HIRA: variants seen among roughly 807,000 people sequenced by gnomAD.
The protein encoded by HIRA is protein HIRA.
HIRA carries 13 observed loss-of-function variants against 126.6 expected under a neutral mutation model. That is an observed-to-expected ratio of 0.10 (90% confidence interval 0.07 to 0.16). HIRA has a LOEUF of 0.16. Ranked by LOEUF, HIRA falls within the 10% of genes least tolerant of loss-of-function variation. The pLI is 1.00. For missense variants in HIRA, 834 were observed against 1,314.4 expected (o/e 0.63, Z 5.65); for synonymous variants, 511 against 520.0 (o/e 0.98, Z 0.24).
At chr22:19,419,558 T>G (rs2146254087) in intron 1 of HIRA, among the ~76,000 whole-genome samples, 1 of 152,332 alleles carries the variant, frequency 6.6e-6, no homozygotes, top group South Asian at 2.1e-4. Flanking sequence ...CCTCGGGAAT[T>G]TCTTACATAT....
chr22:19,381,772 T>A (rs1000974179), intron 13 of HIRA, among the ~76,000 whole-genome samples: 1 of 152,212 alleles, frequency 6.6e-6, no homozygotes, highest in African/African-American at 2.4e-5. Context: ...TATATTATGT[T>A]CATTTCAAAA....
intron 14 of HIRA, among the ~76,000 whole-genome samples, chr22:19,377,202 G>T (rs989996202): frequency 6.6e-6 from 1 of 152,164 alleles, no homozygotes; most frequent in Non-Finnish European, 1.5e-5. Context: ...GACCTGAGGG[G>T]CCACCTGCAA....
rs1569310843 is a variant in HIRA, at chr22:19,410,762, T to C, written c.54A>G (p.Ser18=). The C allele has an allele frequency of 1.9e-6, 3 of 1,613,692 alleles. No homozygotes were observed. Among genetic ancestry groups the C allele is most frequent in the East Asian group, 2.2e-5 (1 of 44,866 alleles). The change falls in exon 2 of 25, where the codon TCA becomes TCG. Residue 18 remains serine (S), a synonymous_variant. Transcript: ENST00000263208. ...TGGTCCCGTCAGGGTGAATATCAAC[T>C]GAAAAAATCGGCTTGCCTGGAAACA... The part of the protein sequence containing the change: ...WVNHNGKPIF[S]VDIHPDGTKF...
chr22:19,356,578 T>C (rs1317667914), intron 19 of HIRA, among the ~76,000 whole-genome samples: 1 of 152,210 alleles, frequency 6.6e-6, no homozygotes, highest in Non-Finnish European at 1.5e-5. Context: ...CATGGCCACA[T>C]TCTGCCAGCT....
intron 1 of HIRA, among the ~76,000 whole-genome samples, chr22:19,418,691 G>A (rs1277234810): frequency 6.6e-6 from 1 of 152,144 alleles, no homozygotes. Flanking sequence ...GACTGCAGTG[G>A]TAGATACATG....
intron 13 of HIRA, among the ~76,000 whole-genome samples, chr22:19,381,009 A>G (rs5748164): frequency 0.16 from 23,879 of 152,224 alleles, 3,963 homozygotes; most frequent in African/African-American, 0.42. Flanking sequence ...ATAGGCTACA[A>G]GAGAGCTGAC....
In HIRA at chr22:19,407,170, A is replaced by T. The variant is rs769197909; in HGVS notation, c.302+14T>A. On this transcript the variant is annotated intron_variant, in intron 4 of 24. Transcript: ENST00000263208. ...TCTAAAAATAAAATGTGAAGAAAGGAAAATGATGCTTACGTAGCCCGCTTC... is the reference window on the plus strand; with the variant it reads ...TCTAAAAATAAAATGTGAAGAAAGGTAAATGATGCTTACGTAGCCCGCTTC... 6 of 1,600,720 alleles carry T rather than the reference A, an allele frequency of 3.7e-6. No individual in the cohort carries two copies. Among genetic ancestry groups the T allele is most frequent in the Non-Finnish European group, 5.1e-6 (6 of 1,168,102 alleles).
chr22:19,427,388 T>C (rs2089497150), intron 1 of HIRA, among the ~76,000 whole-genome samples: 1 of 152,194 alleles, frequency 6.6e-6, no homozygotes. Flanking sequence ...GGCAGCAGGC[T>C]GGACCTTACC....
chr22:19,353,302 G>A (rs2088776671), intron 23 of HIRA, 54 bp downstream of exon 23: 1 of 1,600,012 alleles, frequency 6.2e-7, no homozygotes, highest in Non-Finnish European at 8.5e-7. Context: ...AGTGAGGCCT[G>A]GGAGGATGGA....
chr22:19,392,054 A>G, intron 9 of HIRA, 47 bp downstream of exon 9: 1 of 1,157,120 alleles, frequency 8.6e-7, no homozygotes, highest in Non-Finnish European at 1.3e-6. Flanking sequence ...TACTTTACCA[A>G]CCTACACCTC....
intron 8 of HIRA, 128 bp downstream of exon 8, chr22:19,394,214 A>G: frequency 8.7e-7 from 1 of 1,151,472 alleles, no homozygotes; most frequent in Non-Finnish European, 1.2e-6. Flanking sequence ...CCAATAAATC[A>G]ACCAAGTACA....
intron 6 of HIRA, among the ~76,000 whole-genome samples, chr22:19,397,289 A>G (rs995288944): frequency 1.3e-5 from 2 of 152,156 alleles, no homozygotes; most frequent in Admixed American, 6.5e-5. Flanking sequence ...GAGGCCTACT[A>G]GCTCAAAGGG....
intron 24 of HIRA, among the ~76,000 whole-genome samples, chr22:19,339,682 G>C (rs1556007103): frequency 6.7e-6 from 1 of 149,934 alleles, no homozygotes; most frequent in African/African-American, 2.4e-5. Flanking sequence ...GAAACAAAAT[G>C]AAAGATATTA....
At chr22:19,407,552 G>T (rs2089318218) in intron 3 of HIRA, among the ~76,000 whole-genome samples, 1 of 152,044 alleles carries the variant, frequency 6.6e-6, no homozygotes, top group South Asian at 2.1e-4. Context: ...TTCTTTCTAA[G>T]AAAATCAAAA....
In HIRA at chr22:19,359,263, A is replaced by ACAGGCC. The variant is rs1177394910; in HGVS notation, c.2234+67_2234+72dup. ...TCCCAGGGTCATGCACCTCCCCTAG[A>ACAGGCC]CAGGCCCAGGCCCAGAATGATGGCA... is the stretch of plus-strand genomic sequence containing the variant. On this transcript the variant is annotated intron_variant, in intron 18 of 24. Transcript: ENST00000263208. 3 of 1,436,484 alleles carry ACAGGCC rather than the reference A, an allele frequency of 2.1e-6. No homozygotes were observed. In the African/African-American group the frequency reaches 4.4e-5, roughly 21 times the overall value. 89.0% of individuals were successfully genotyped at this position (1,436,484 alleles called of 1,614,324 possible).
At chr22:19,397,906 C>G (rs1601844192) in intron 6 of HIRA, 86 bp downstream of exon 6, 1 of 889,862 alleles carries the variant, frequency 1.1e-6, no homozygotes, top group East Asian at 2.6e-5. Context: ...CTGTTGCCAC[C>G]AAGACTAAGG....
Position 19,375,758 on chromosome 22 carries a change from G to T in HIRA, c.1648C>A (p.Pro550Thr). 6.2e-7 allele frequency: 1 copy of T among 1,614,178 alleles called. No homozygotes were observed. The highest frequency in any genetic ancestry group is 8.5e-7 in the Non-Finnish European group (1 of 1,180,044). ...NATSTPAALS[P>T]SVLTTPSKIE... is the part of the protein sequence containing the mutation. ...TTGGACGGGGTCGTTAACACAGAAG[G>T]TGACAATGCAGCAGGAGTAGAGGTA... Residue 550 changes from proline (P) to threonine (T), a missense_variant, in exon 15 of 25, where the codon CCT (proline) becomes ACT (threonine). Pro to Thr is a conservative substitution (Grantham distance 38). This residue lies in a region of HIRA where 468 missense variants were observed against 574.2 expected (regional missense o/e 0.82). Transcript: ENST00000263208.
At chr22:19,407,832 A>G (rs1237761873) in intron 3 of HIRA, among the ~76,000 whole-genome samples, 2 of 152,202 alleles carry the variant, frequency 1.3e-5, no homozygotes, top group Non-Finnish European at 2.9e-5. Context: ...AAATTCCCCC[A>G]GGCCCCTGAT....
chr22:19,400,604 C>A (rs1601845968), intron 5 of HIRA, among the ~76,000 whole-genome samples: 7 of 152,250 alleles, frequency 4.6e-5, no homozygotes, highest in Admixed American at 1.3e-4. Context: ...CTCCTAAACT[C>A]CCAGTTTGGA....
Sources: gnomAD v4.1 joint callset for allele counts (sites outside exome capture counted in the v4.1 genomes callset) on GRCh38, gnomAD v4.1.1 for gene constraint, gnomAD v4.1.1 regional missense constraint, MANE v1.5 for transcripts, NCBI Gene and HGNC (gene_info 2026-07-23, HGNC 2026-07-21) for gene names.